The following VPS37A variants were observed in gnomAD, a reference collection of about 807,000 sequenced individuals.
The protein encoded by VPS37A is VPS37A subunit of ESCRT-I, also known as vacuolar protein sorting-associated protein 37A.
In VPS37A, 30 loss-of-function variants were observed where a neutral mutation model predicts 49.8. That is an observed-to-expected ratio of 0.60 (90% CI 0.45 to 0.82). VPS37A has a LOEUF of 0.82. Ranked by LOEUF, VPS37A falls within the 40% of genes least tolerant of loss-of-function variation. The pLI, the probability that VPS37A is intolerant of heterozygous loss-of-function variation, is 0.00. For synonymous variants in VPS37A, 195 were observed against 160.6 expected (o/e 1.21, Z -1.62); for missense variants, 593 against 464.4 (o/e 1.28, Z -2.55).
intron 6 of VPS37A, among the ~76,000 whole-genome samples, chr8:17,277,914 A>G (rs968739614): frequency 2.6e-5 from 4 of 151,638 alleles, no homozygotes; most frequent in African/African-American, 9.7e-5. Context: ...ACATATACAT[A>G]TGTGTATTTA....
At chr8:17,322,809 A>G in the VPS37A span, among the ~76,000 whole-genome samples, 2 of 148,758 alleles carry the variant, frequency 1.3e-5, no homozygotes, top group African/African-American at 4.8e-5. Flanking sequence ...TGGACAACAC[A>G]GGGAGACCCT....
intron 1 of VPS37A, among the ~76,000 whole-genome samples, chr8:17,251,167 G>A (rs1811939964): frequency 6.6e-6 from 1 of 152,112 alleles, no homozygotes; most frequent in South Asian, 2.1e-4. Context: ...AGTGATGATG[G>A]TCTCATCACC....
At chr8:17,269,479 T>C (rs963063622) in intron 4 of VPS37A, among the ~76,000 whole-genome samples, 1 of 152,230 alleles carries the variant, frequency 6.6e-6, no homozygotes, top group Non-Finnish European at 1.5e-5. Context: ...ATTTTCCACA[T>C]CATCTTAAAT....
At chr8:17,314,241 T>C in the VPS37A span, among the ~76,000 whole-genome samples, 6 of 152,188 alleles carry the variant, frequency 3.9e-5, no homozygotes, top group African/African-American at 1.4e-4. Flanking sequence ...AGGAGTCTTA[T>C]CAATCAACCA....
At chr8:17,292,774 A>G (rs143312828) in intron 11 of VPS37A, among the ~76,000 whole-genome samples, 1 of 152,186 alleles carries the variant, frequency 6.6e-6, no homozygotes, top group Non-Finnish European at 1.5e-5. Flanking sequence ...AGAATGTTGA[A>G]TATTGGCCCC....
chr8:17,283,460 A>G (rs1327331601), intron 9 of VPS37A, among the ~76,000 whole-genome samples: 3 of 152,166 alleles, frequency 2.0e-5, no homozygotes, highest in African/African-American at 7.2e-5. Context: ...CAAGCAGGAT[A>G]GCTATTATTA....
At chr8:17,306,035 T>G, downstream of VPS37A, 1 of 1,148,434 alleles carries the variant, frequency 8.7e-7, no homozygotes, top group South Asian at 1.5e-5. Context: ...AAAACAACCA[T>G]AAAAGCAACC....
At chr8:17,304,594 G>A, downstream of VPS37A, 1 of 1,466,934 alleles carries the variant, frequency 6.8e-7, no homozygotes, top group South Asian at 1.2e-5. Context: ...TATTAATGCT[G>A]GAAAGGAACT....
Position 17,296,849 on chromosome 8 carries a change from A to G in VPS37A, c.*1863A>G, listed in dbSNP as rs1273378137. On this transcript the variant is annotated 3_prime_UTR_variant, in exon 12 of 12. Transcript: ENST00000324849. The stretch of plus-strand genomic sequence containing the variant: ...AGTTGAACTATCCCAGTTTCATTCT[A>G]TACCATTCATTGGATAACCTTGTTA... 6.6e-6 allele frequency: 1 copy of G among 152,330 alleles called. No homozygotes were observed. Among genetic ancestry groups the G allele is most frequent in the South Asian group, 2.1e-4 (1 of 4,832 alleles). 9.4% of individuals were successfully genotyped at this position (152,330 alleles called of 1,614,324 possible). A position where few individuals can be genotyped will look rare whatever the true frequency, so the allele number is the denominator to read the frequency against.
intron 1 of VPS37A, among the ~76,000 whole-genome samples, chr8:17,252,400 A>G (rs1210898966): frequency 6.6e-6 from 1 of 151,366 alleles, no homozygotes; most frequent in Non-Finnish European, 1.5e-5. Flanking sequence ...TGTCTCTCAA[A>G]CTCCTGGGCC....
chr8:17,289,747 A>G (rs1397509201), intron 11 of VPS37A, among the ~76,000 whole-genome samples: 2 of 152,214 alleles, frequency 1.3e-5, no homozygotes, highest in African/African-American at 2.4e-5. Context: ...AAGAAATTCA[A>G]TGGTAGCTCG....
At chr8:17,266,020 C>A in intron 2 of VPS37A, 39 bp downstream of exon 2, 1 of 1,543,566 alleles carries the variant, frequency 6.5e-7, no homozygotes, top group Non-Finnish European at 8.8e-7. Flanking sequence ...TGTAAAAGGA[C>A]TTAACAGTTT....
intron 1 of VPS37A, chr8:17,247,614 A>T: frequency 1.4e-6 from 1 of 706,510 alleles, no homozygotes; most frequent in Non-Finnish European, 2.6e-6. Context: ...ATCCCTCCTG[A>T]CACATAGCTG....
At chr8:17,272,647 C>G (rs1024782334) in intron 4 of VPS37A, among the ~76,000 whole-genome samples, 4 of 152,086 alleles carry the variant, frequency 2.6e-5, no homozygotes, top group Admixed American at 2.0e-4. Flanking sequence ...ATTACAAATA[C>G]TCTCTCATGT....
the VPS37A span, among the ~76,000 whole-genome samples, chr8:17,329,295 G>A: frequency 3.3e-5 from 5 of 152,066 alleles, no homozygotes; most frequent in African/African-American, 1.2e-4. Context: ...TAATTTACTC[G>A]GTAAAAACAG....
chr8:17,249,264 C>T (rs946467352), intron 1 of VPS37A, among the ~76,000 whole-genome samples: 1 of 152,128 alleles, frequency 6.6e-6, no homozygotes, highest in Non-Finnish European at 1.5e-5. Context: ...AAGTGAGATT[C>T]TATAGCAGCA....
chr8:17,254,053 C>T (rs1812212716), intron 1 of VPS37A, among the ~76,000 whole-genome samples: 1 of 152,008 alleles, frequency 6.6e-6, no homozygotes, highest in African/African-American at 2.4e-5. Context: ...GTCATCTTGT[C>T]TTTGCTCTTG....
chr8:17,247,175 C>G lies in VPS37A; in HGVS notation c.-70C>G, dbSNP rs1268947376. ...CCCCGCTCCTCTGTCGCTGGAGAAC[C>G]GCCGGGCCGAGCCACTGGGAGAAGC... On this transcript the variant is annotated 5_prime_UTR_variant, in exon 1 of 12. Coordinates refer to ENST00000324849, the MANE Select transcript of VPS37A (RefSeq NM_152415.3). The G allele has an allele frequency of 1.3e-6, 2 of 1,546,548 alleles. No individual in the cohort carries two copies. Among genetic ancestry groups the G allele is most frequent in the African/African-American group, 1.4e-5 (1 of 72,926 alleles).
chr8:17,289,900 C>T (rs1815980724), intron 11 of VPS37A, among the ~76,000 whole-genome samples: 1 of 152,166 alleles, frequency 6.6e-6, no homozygotes, highest in East Asian at 1.9e-4. Context: ...TTGTAGTTCT[C>T]CTTGAAGAGG....
Sources: allele counts gnomAD v4.1 joint callset (sites outside exome capture counted in the v4.1 genomes callset), GRCh38; gene constraint gnomAD v4.1.1; transcripts MANE v1.5; gene names NCBI Gene and HGNC (gene_info 2026-07-23, HGNC 2026-07-21).